ZBTB16: variants seen among roughly 807,000 people sequenced by gnomAD.
The protein encoded by ZBTB16 is zinc finger and BTB domain containing 16, also known as zinc finger and BTB domain-containing protein 16.
ZBTB16 carries 8 observed loss-of-function variants against 56.8 expected under a neutral mutation model. The observed-to-expected ratio is 0.14, with a 90% confidence interval of 0.08 to 0.25. The LOEUF is 0.25. Among genes scored for constraint, ZBTB16 ranks in the 10% least tolerant of loss-of-function variants. The pLI is 1.00. For synonymous variants in ZBTB16, 363 were observed against 368.5 expected (o/e 0.98, Z 0.17); for missense variants, 625 against 903.0 (o/e 0.69, Z 3.95).
At chr11:114,185,995 C>T (rs2852795) in intron 3 of ZBTB16, among the ~76,000 whole-genome samples, 59,869 of 152,000 alleles carry the variant, frequency 0.39, 11,987 homozygotes, top group Middle Eastern at 0.44. Flanking sequence ...GTGCACAAGA[C>T]GACACAGTCC....
At chr11:114,097,936 G>A (rs1940476394) in intron 2 of ZBTB16, among the ~76,000 whole-genome samples, 1 of 152,176 alleles carries the variant, frequency 6.6e-6, no homozygotes, top group Non-Finnish European at 1.5e-5. Context: ...TTTGCAAAAT[G>A]TCTGAAAATT....
intron 3 of ZBTB16, among the ~76,000 whole-genome samples, chr11:114,172,873 T>A (rs2135016551): frequency 6.6e-6 from 1 of 152,368 alleles, no homozygotes; most frequent in Middle Eastern, 3.4e-3. Flanking sequence ...TTTGGTTTGT[T>A]TTTTTCCGGC....
chr11:114,159,941 G>GC lies in ZBTB16; in HGVS notation c.1366+3507_1366+3508insC, dbSNP rs1555145944. Among the ~76,000 whole-genome samples, 15 of 146,046 alleles carry GC rather than the reference G, an allele frequency of 1.0e-4. 3 individuals carry two copies. In the South Asian group the frequency reaches 3.2e-3, roughly 31 times the overall value. On this transcript the variant is annotated intron_variant, in intron 3 of 6. Coordinates refer to ENST00000335953, the MANE Select transcript of ZBTB16 (RefSeq NM_006006.6). ...CAGAACCCTGGGCGGGGGAGGCGGG[G>GC]GGGAGGCGAGCATTTTTTTTCAAAA...
chr11:114,242,048 G>GC, intron 4 of ZBTB16, 119 bp from the exon 5 acceptor site: 1 of 1,342,112 alleles, frequency 7.5e-7, no homozygotes, highest in Non-Finnish European at 1.0e-6. Context: ...CTCTGGATTT[G>GC]CCCCTGAGCA....
intron 2 of ZBTB16, among the ~76,000 whole-genome samples, chr11:114,077,258 ATGTTCCTCTAAGTGTAATTC>A (rs1939604706): frequency 6.6e-6 from 1 of 151,980 alleles, no homozygotes; most frequent in Admixed American, 6.6e-5. Flanking sequence ...GCCGCTTGCT[ATGTTCCTCTAAGTGTAATTC>A]TTTTGTCACT....
chr11:114,171,937 A>G (rs1942979816), intron 3 of ZBTB16, among the ~76,000 whole-genome samples: 1 of 152,266 alleles, frequency 6.6e-6, no homozygotes. Context: ...GAAGAGCAGG[A>G]CGTTTATGAA....
At chr11:114,065,597 G>A (rs1271526465) in intron 2 of ZBTB16, among the ~76,000 whole-genome samples, 2 of 152,180 alleles carry the variant, frequency 1.3e-5, no homozygotes, top group Non-Finnish European at 2.9e-5. Context: ...TGAATTTTTA[G>A]TAGAGACGGG....
At chr11:114,106,933 C>T (rs920443521) in intron 2 of ZBTB16, among the ~76,000 whole-genome samples, 3 of 152,162 alleles carry the variant, frequency 2.0e-5, no homozygotes, top group Admixed American at 6.5e-5. Flanking sequence ...CTCTCATAGC[C>T]CAGTCCCTGC....
In ZBTB16 at chr11:114,161,328, G is replaced by A. The variant is rs139649194; in HGVS notation, c.1366+4894G>A. 2.0e-4 allele frequency among the ~76,000 whole-genome samples: 31 copies of A among 152,236 alleles called. 1 individual carries two copies. The East Asian group carries it at 5.8e-3, about 29-fold the overall frequency. On this transcript the variant is annotated intron_variant, in intron 3 of 6. Transcript: ENST00000335953. The stretch of plus-strand genomic sequence containing the variant: ...TATTCATGTGGCCTGCTCCTATTCT[G>A]GGAGTGTCATTCATTTTTGGAGCCA...
intron 2 of ZBTB16, among the ~76,000 whole-genome samples, chr11:114,138,272 G>A (rs1178740821): frequency 1.3e-5 from 2 of 152,174 alleles, no homozygotes; most frequent in Non-Finnish European, 2.9e-5. Context: ...ATTTTGCAGT[G>A]GAGGCCAGGA....
intron 2 of ZBTB16, among the ~76,000 whole-genome samples, chr11:114,148,286 T>A (rs556150852): frequency 9.1e-4 from 139 of 151,972 alleles, no homozygotes; most frequent in Middle Eastern, 3.4e-3. Context: ...CAGCTCCAGA[T>A]TGGCCTTCAT....
chr11:114,079,881 G>T (rs1019837532), intron 2 of ZBTB16, among the ~76,000 whole-genome samples: 4 of 152,184 alleles, frequency 2.6e-5, no homozygotes, highest in Non-Finnish European at 5.9e-5. Context: ...GGAAGGAGTC[G>T]CTGCCATGGA....
intron 2 of ZBTB16, among the ~76,000 whole-genome samples, chr11:114,125,152 G>A (rs1438582781): frequency 6.6e-6 from 1 of 152,114 alleles, no homozygotes; most frequent in Non-Finnish European, 1.5e-5. Context: ...TTTAACAAGA[G>A]AGGCAGTACA....
At chr11:114,247,157 A>G in intron 5 of ZBTB16, 41 bp from the exon 6 acceptor site, 1 of 1,614,092 alleles carries the variant, frequency 6.2e-7, no homozygotes, top group South Asian at 1.1e-5. Flanking sequence ...AAGAGGGGGC[A>G]GGGAGAGGCA....
At chr11:114,103,868 C>A (rs1242038454) in intron 2 of ZBTB16, among the ~76,000 whole-genome samples, 1 of 152,042 alleles carries the variant, frequency 6.6e-6, no homozygotes, top group Non-Finnish European at 1.5e-5. Context: ...ACTGAACAAC[C>A]CTCCCTGACC....
intron 1 of ZBTB16, among the ~76,000 whole-genome samples, chr11:114,061,805 C>T (rs963917599): frequency 5.3e-5 from 8 of 152,094 alleles, no homozygotes; most frequent in African/African-American, 1.9e-4. Flanking sequence ...TAACTCACAC[C>T]ACAGGTGCTG....
At chr11:114,088,656 G>T (rs593159) in intron 2 of ZBTB16, among the ~76,000 whole-genome samples, 71,995 of 151,962 alleles carry the variant, frequency 0.47, 17,408 homozygotes, top group Middle Eastern at 0.68. Flanking sequence ...TCTGAAGCAG[G>T]GGTGGCTGAG....
At chr11:114,068,466 C>T (rs1448461620) in intron 2 of ZBTB16, among the ~76,000 whole-genome samples, 4 of 152,132 alleles carry the variant, frequency 2.6e-5, no homozygotes, top group African/African-American at 7.2e-5. Context: ...ATGTACAAGC[C>T]GTCCACTGCA....
At chr11:114,080,233 AT>A (rs59384992) in intron 2 of ZBTB16, among the ~76,000 whole-genome samples, 149,932 of 152,116 alleles carry the variant, frequency 0.99, 73,929 homozygotes, top group Middle Eastern at 1. Context: ...CTCAGCATGT[AT>A]TTTTTTCCCC....
Sources: allele counts gnomAD v4.1 joint callset (sites outside exome capture counted in the v4.1 genomes callset), GRCh38; gene constraint gnomAD v4.1.1; transcripts MANE v1.5; gene names NCBI Gene and HGNC (gene_info 2026-07-23, HGNC 2026-07-21).